Variants in PEX14 observed in about 807,000 individuals in gnomAD.
PEX14 encodes the protein peroxisomal biogenesis factor 14.
PEX14 carries 15 observed loss-of-function variants against 49.5 expected under a neutral mutation model. The ratio of observed to expected loss-of-function variants is 0.30; its 90% CI spans 0.20 to 0.47. PEX14 has a LOEUF of 0.47. Ranked by LOEUF, PEX14 falls within the 20% of genes least tolerant of loss-of-function variation. PEX14 has a pLI of 1.00. For synonymous variants in PEX14, 210 were observed against 212.7 expected (o/e 0.99, Z 0.11); for missense variants, 398 against 494.8 (o/e 0.80, Z 1.86).
intron 2 of PEX14, among the ~76,000 whole-genome samples, chr1:10,513,587 A>G (rs528600266): frequency 6.6e-6 from 1 of 152,316 alleles, no homozygotes; most frequent in East Asian, 1.9e-4. Context: ...ACCTAAGGAT[A>G]TCTTCCCCTT....
At position 10,600,496 on chromosome 1, in the gene PEX14, C is replaced by T. The variant is rs113160740; in HGVS notation, c.298+1130C>T. Among the ~76,000 whole-genome samples the T allele has an allele frequency of 3.9e-3, 593 of 152,136 alleles. 4 individuals are homozygous for T. The highest frequency in any genetic ancestry group is 0.014 in the African/African-American group (567 of 41,498). ...CTTTGAGAGGCCAAGGCAGGCGGAT[C>T]ACTTGAGGTCAGGAGTTCGAGACCA... On this transcript the variant is annotated intron_variant, in intron 4 of 8. Coordinates refer to ENST00000356607, the MANE Select transcript of PEX14 (RefSeq NM_004565.3).
At chr1:10,567,222 G>A (rs1639832282) in intron 3 of PEX14, among the ~76,000 whole-genome samples, 1 of 151,962 alleles carries the variant, frequency 6.6e-6, no homozygotes, top group Admixed American at 6.6e-5. Flanking sequence ...ATAGACAATG[G>A]GCTAAATTTG....
Position 10,503,207 on chromosome 1 carries a change from C to T in PEX14, c.84+7886C>T, listed in dbSNP as rs139993708. On this transcript the variant is annotated intron_variant, in intron 2 of 8. Transcript: ENST00000356607. Reference sequence around the variant, plus strand: ...TTAGGCATGAGAATCACTTGAACCCCGGAGGCAGAGGTTGCAGTGAGCTGA... The same window carrying T: ...TTAGGCATGAGAATCACTTGAACCCTGGAGGCAGAGGTTGCAGTGAGCTGA... Among the ~76,000 whole-genome samples the T allele has an allele frequency of 9.7e-4, 140 of 144,194 alleles. 2 individuals carry two copies. In the East Asian group the frequency reaches 0.014, roughly 15 times the overall value. The allele number at this position is 144,194 out of a possible 152,430, so 94.6% of individuals were successfully genotyped here.
intron 3 of PEX14, among the ~76,000 whole-genome samples, chr1:10,576,977 GGT>G (rs1640134726): frequency 6.6e-6 from 1 of 151,848 alleles, no homozygotes; most frequent in African/African-American, 2.4e-5. Context: ...CCTGACCTCA[GGT>G]GGTCCACCTG....
rs895401936 is a variant in PEX14, at chr1:10,508,352, G to A, written c.84+13031G>A. Among the ~76,000 whole-genome samples, 5 of 152,088 alleles carry A rather than the reference G, an allele frequency of 3.3e-5. No homozygotes were observed. In the South Asian group the frequency reaches 8.3e-4, roughly 25 times the overall value. The stretch of plus-strand genomic sequence containing the variant: ...CTCCCGAGTAGCTGGGACTACAGGC[G>A]CCCGCCACCATGCCCTGCTAATTTT... On this transcript the variant is annotated intron_variant, in intron 2 of 8. Transcript: ENST00000356607.
intron 3 of PEX14, among the ~76,000 whole-genome samples, chr1:10,564,268 T>C (rs568381437): frequency 1.6e-4 from 24 of 152,290 alleles, no homozygotes; most frequent in African/African-American, 5.3e-4. Flanking sequence ...ATGTTCTTTA[T>C]GTCTTTTGCT....
Position 10,485,503 on chromosome 1 carries a change from G to A in PEX14, c.37-9771G>A, listed in dbSNP as rs191391582. ...GCTAATTATTTTTTGAATTTTTGTA[G>A]CGAGGGGGTCTTGCTGTGTTGCGCA... On this transcript the variant is annotated intron_variant, in intron 1 of 8. Transcript: ENST00000356607. 1.7e-4 allele frequency among the ~76,000 whole-genome samples: 26 copies of A among 150,996 alleles called. No homozygotes were observed. In the East Asian group the frequency reaches 4.7e-3, roughly 27 times the overall value.
intron 3 of PEX14, among the ~76,000 whole-genome samples, chr1:10,553,696 C>T (rs1039573682): frequency 7.2e-5 from 11 of 152,136 alleles, no homozygotes; most frequent in South Asian, 2.1e-4. Flanking sequence ...CAGAGTGGGC[C>T]GCTACTCCCA....
intron 3 of PEX14, among the ~76,000 whole-genome samples, chr1:10,566,181 A>G (rs1181278563): frequency 6.6e-6 from 1 of 152,200 alleles, no homozygotes; most frequent in Non-Finnish European, 1.5e-5. Context: ...AACTTTTACA[A>G]GCTATTTCAT....
At chr1:10,595,011 ATGTAGCTC>A (rs1367481540) in intron 3 of PEX14, among the ~76,000 whole-genome samples, 65 of 152,026 alleles carry the variant, frequency 4.3e-4, no homozygotes, top group African/African-American at 1.4e-3. Context: ...AATCAATAGG[ATGTAGCTC>A]ACTTGTTCTG....
intron 3 of PEX14, among the ~76,000 whole-genome samples, chr1:10,540,876 C>T (rs1638983517): frequency 6.6e-6 from 1 of 151,964 alleles, no homozygotes; most frequent in Non-Finnish European, 1.5e-5. Context: ...GCTGTCTGGC[C>T]CTTCTGATTT....
chr1:10,541,453 C>T lies in PEX14; in HGVS notation c.169+5156C>T, dbSNP rs548131657. On this transcript the variant is annotated intron_variant, in intron 3 of 8. Coordinates refer to ENST00000356607, the MANE Select transcript of PEX14 (RefSeq NM_004565.3). The stretch of plus-strand genomic sequence containing the variant: ...TCCGCACCCACTTCCTGCTCTTTCT[C>T]CCGTAGCCCTGCCCTAGTGTGGGTC... Among the ~76,000 whole-genome samples, 10 of 152,296 alleles carry T rather than the reference C, an allele frequency of 6.6e-5. No homozygotes were observed. In the East Asian group the frequency reaches 1.9e-3, roughly 29 times the overall value.
chr1:10,626,123 G>A (rs994602372), intron 7 of PEX14, among the ~76,000 whole-genome samples: 1 of 152,182 alleles, frequency 6.6e-6, no homozygotes, highest in Admixed American at 6.5e-5. Flanking sequence ...AAAACTGAAG[G>A]CTATGAGTTT....
chr1:10,534,843 G>C (rs913371987), intron 2 of PEX14, among the ~76,000 whole-genome samples: 1 of 152,154 alleles, frequency 6.6e-6, no homozygotes, highest in Admixed American at 6.5e-5. Context: ...GGGTTGCAGG[G>C]AAAATGAATA....
chr1:10,605,653 C>T (rs1263168104), intron 4 of PEX14, among the ~76,000 whole-genome samples: 1 of 152,178 alleles, frequency 6.6e-6, no homozygotes. Context: ...TGGGTGGCCT[C>T]GGGGTTCCCG....
intron 4 of PEX14, among the ~76,000 whole-genome samples, chr1:10,605,339 C>G (rs1641096009): frequency 6.6e-6 from 1 of 152,162 alleles, no homozygotes. Context: ...AGCTGCTGTT[C>G]ATCGTAGAGG....
chr1:10,548,576 G>A (rs1257956303), intron 3 of PEX14, among the ~76,000 whole-genome samples: 3 of 152,128 alleles, frequency 2.0e-5, no homozygotes, highest in East Asian at 1.9e-4. Context: ...TTTATCTGTT[G>A]GGGGGTGGTG....
chr1:10,498,850 C>G (rs1182149519), intron 2 of PEX14, among the ~76,000 whole-genome samples: 2 of 152,226 alleles, frequency 1.3e-5, no homozygotes, highest in Non-Finnish European at 2.9e-5. Context: ...CCTGCTGAGG[C>G]AAGGAGTTCG....
In PEX14 at chr1:10,592,121, G is replaced by A. The variant is rs553156790; in HGVS notation, c.170-7117G>A. The stretch of plus-strand genomic sequence containing the variant: ...GAGCAAGATTTAAGTATCACTAAAA[G>A]TGTTTATCAATTTGACTTTTCCATG... On this transcript the variant is annotated intron_variant, in intron 3 of 8. Transcript: ENST00000356607. Among the ~76,000 whole-genome samples the A allele has an allele frequency of 2.0e-5, 3 of 152,258 alleles. No homozygotes were observed. In the East Asian group the frequency reaches 5.8e-4, roughly 29 times the overall value.
Sources: gnomAD v4.1 joint callset for allele counts (sites outside exome capture counted in the v4.1 genomes callset) on GRCh38, gnomAD v4.1.1 for gene constraint, MANE v1.5 for transcripts, NCBI Gene and HGNC (gene_info 2026-07-23, HGNC 2026-07-21) for gene names.